Variants in ASAH2 observed in about 807,000 individuals in gnomAD.
ASAH2 encodes the protein N-acylsphingosine amidohydrolase 2.
A neutral mutation model predicts 82.9 loss-of-function variants in ASAH2; 58 were observed. The observed-to-expected ratio is 0.70, with a 90% CI of 0.57 to 0.87. The LOEUF (loss-of-function observed/expected upper bound fraction) is 0.87, where lower values mean the gene tolerates loss of function less well. ASAH2 is among the 40% of genes least tolerant of loss of function. ASAH2 has a pLI of 0.00. For synonymous variants in ASAH2, 276 were observed against 289.7 expected (o/e 0.95, Z 0.48); for missense variants, 779 against 834.0 (o/e 0.93, Z 0.81).
Position 50,211,033 on chromosome 10 carries a change from A to G in ASAH2, c.1329T>C (p.His443=), listed in dbSNP as rs1845441870. ...AGTGTGTCTCAGCAGCACTTACTGCATGTGTGGAATTGAGCCAGACAGTCA... is the reference window on the plus strand; with the variant it reads ...AGTGTGTCTCAGCAGCACTTACTGCGTGTGTGGAATTGAGCCAGACAGTCA... ...TDVTVWLNST[H]ASKTCKPALG... The change falls in exon 11 of 21, where the codon CAT becomes CAC. Residue 443 remains histidine, a synonymous_variant. Coordinates refer to ENST00000682911, the MANE Select transcript of ASAH2 (RefSeq NM_019893.4). 1.9e-6 allele frequency: 3 copies of G among 1,613,410 alleles called. No individual in the cohort carries two copies. Among genetic ancestry groups the G allele is most frequent in the Non-Finnish European group, 2.5e-6 (3 of 1,179,420 alleles).
intron 4 of ASAH2, among the ~76,000 whole-genome samples, chr10:50,239,777 T>C (rs1353369370): frequency 1.3e-5 from 2 of 151,740 alleles, no homozygotes; most frequent in African/African-American, 2.4e-5. Context: ...AGCATGAATA[T>C]TATGTTAAGT....
At position 50,210,866 on chromosome 10, in the gene ASAH2, T is replaced by C. The variant is rs992270; in HGVS notation, c.1371A>G (p.Ala457=). Residue 457 remains alanine (A), a synonymous_variant, in exon 12 of 21, where the codon GCA becomes GCG. Transcript: ENST00000682911. ...TCKPALGYSF[A]AGTIDGVGGL... ...CTCCAACTCCATCAATAGTGCCAGC[T>C]GCAAAACTGTAGCCCAATGCTGGTT... The C allele has an allele frequency of 0.85, 1,370,915 of 1,613,048 alleles. 590,851 individuals carry two copies. The highest frequency in any genetic ancestry group is 0.89 in the Non-Finnish European group (1,048,527 of 1,179,290).
chr10:50,239,472 T>C (rs1846238231), intron 4 of ASAH2, among the ~76,000 whole-genome samples: 2 of 152,194 alleles, frequency 1.3e-5, no homozygotes, highest in South Asian at 4.1e-4. Context: ...AGTCTACCTT[T>C]TGGTTCTTTT....
chr10:50,245,530 T>G, intron 2 of ASAH2, 76 bp from the exon 3 acceptor site: 2 of 1,283,006 alleles, frequency 1.6e-6, no homozygotes, highest in Non-Finnish European at 2.2e-6. Flanking sequence ...ACACAATATA[T>G]AGGCTCAGGT....
intron 7 of ASAH2, among the ~76,000 whole-genome samples, chr10:50,232,635 A>G (rs1278095936): frequency 6.6e-6 from 1 of 152,108 alleles, no homozygotes; most frequent in Non-Finnish European, 1.5e-5. Context: ...ACTCCCAGAT[A>G]ATTGTGCTAA....
intron 4 of ASAH2, chr10:50,240,422 A>T: frequency 1.4e-6 from 1 of 701,608 alleles, no homozygotes. Context: ...GAATCTGCTA[A>T]TTTTTGTCCT....
intron 8 of ASAH2, 73 bp downstream of exon 8, chr10:50,218,437 C>T (rs1294183505): frequency 6.2e-7 from 1 of 1,601,354 alleles, no homozygotes; most frequent in Non-Finnish European, 8.6e-7. Flanking sequence ...ATTTGAATCA[C>T]CTCTTCTGAA....
At chr10:50,225,843 T>C (rs35168096) in intron 7 of ASAH2, among the ~76,000 whole-genome samples, 31,868 of 152,084 alleles carry the variant, frequency 0.21, 4,233 homozygotes, top group East Asian at 0.41. Context: ...GTAATCTCAA[T>C]ACTTTGGGAG....
chr10:50,246,568 A>G (rs1846464146), intron 2 of ASAH2, among the ~76,000 whole-genome samples: 1 of 152,196 alleles, frequency 6.6e-6, no homozygotes, highest in African/African-American at 2.4e-5. Context: ...CAGAGCTCAA[A>G]AAACTTAGAG....
At chr10:50,193,560 A>G (rs1844897769) in intron 18 of ASAH2, among the ~76,000 whole-genome samples, 1 of 151,612 alleles carries the variant, frequency 6.6e-6, no homozygotes, top group African/African-American at 2.4e-5. Context: ...GAGTTGTGAC[A>G]AGATTCTGTT....
In ASAH2 at chr10:50,187,116, TCTCACACACACACACACACA is replaced by T. The variant is rs1844769486; in HGVS notation, c.*179_*198del. Reference sequence around the variant, plus strand: ...CTCTCTCTCTCTCTCTCTCTCTCTCTCTCACACACACACACACACACACACACACACACACACACACACAC... The same window carrying T: ...CTCTCTCTCTCTCTCTCTCTCTCTCTCACACACACACACACACACACACAC... On this transcript the variant is annotated 3_prime_UTR_variant, in exon 21 of 21. Coordinates refer to ENST00000682911, the MANE Select transcript of ASAH2 (RefSeq NM_019893.4). The T allele has an allele frequency of 8.7e-6, 2 of 230,048 alleles. No homozygotes were observed. Among genetic ancestry groups the T allele is most frequent in the African/African-American group, 3.8e-5 (1 of 26,064 alleles). 14.3% of individuals were successfully genotyped at this position (230,048 alleles called of 1,614,324 possible). A position where few individuals can be genotyped will look rare whatever the true frequency, so the allele number is the denominator to read the frequency against.
chr10:50,242,353 G>A (rs1485866966), intron 4 of ASAH2, among the ~76,000 whole-genome samples: 3 of 152,106 alleles, frequency 2.0e-5, no homozygotes, highest in Non-Finnish European at 2.9e-5. Flanking sequence ...CCTCTCACTG[G>A]CCCCTTCACA....
chr10:50,217,182 T>C (rs1845623981), intron 8 of ASAH2, among the ~76,000 whole-genome samples: 1 of 152,158 alleles, frequency 6.6e-6, no homozygotes, highest in African/African-American at 2.4e-5. Context: ...TTGCTTCCTC[T>C]TTCACATGTG....
chr10:50,240,520 G>C, intron 4 of ASAH2: 1 of 702,108 alleles, frequency 1.4e-6, no homozygotes, highest in Non-Finnish European at 2.6e-6. Context: ...ACATCACTCC[G>C]CCACTCAGAA....
intron 7 of ASAH2, among the ~76,000 whole-genome samples, chr10:50,228,816 GGAGGAAGAAGAAAAGAA>G (rs1451377122): frequency 6.6e-6 from 1 of 151,968 alleles, no homozygotes; most frequent in Non-Finnish European, 1.5e-5. Flanking sequence ...GGAGCAAGGA[GGAGGAAGAAGAAAAGAA>G]GAGGAAGGAG....
chr10:50,218,125 AAAAAT>A (rs1475128620), intron 8 of ASAH2, among the ~76,000 whole-genome samples: 2 of 20,842 alleles, frequency 9.6e-5, no homozygotes, highest in Non-Finnish European at 6.3e-3. Flanking sequence ...CTCTGTCTCA[AAAAAT>A]AAAATAAAAA....
intron 18 of ASAH2, among the ~76,000 whole-genome samples, chr10:50,196,261 G>T (rs1844979692): frequency 6.6e-6 from 1 of 151,926 alleles, no homozygotes; most frequent in South Asian, 2.1e-4. Context: ...AAATAATTAG[G>T]TGCATTTAGA....
chr10:50,202,842 T>C lies in ASAH2; in HGVS notation c.1748A>G (p.Tyr583Cys). 1.2e-6 allele frequency: 2 copies of C among 1,607,900 alleles called. No homozygotes were observed. The highest frequency in any genetic ancestry group is 1.7e-6 in the Non-Finnish European group (2 of 1,174,764). The change falls in exon 16 of 21, where the codon TAT becomes TGT. Residue 583 changes from tyrosine (Y) to cysteine (C), a missense_variant. Physicochemically the swap from Tyr to Cys is radical, Grantham distance 194. Coordinates refer to ENST00000682911, the MANE Select transcript of ASAH2 (RefSeq NM_019893.4). ...GTTTTGCTTTACCTGGTATTCTTCA[T>C]AAGTGGTAATGTAATGTGTATAGAC... ...CNVYTHYITT[Y>C]EEYQAQRYEA...
intron 19 of ASAH2, 71 bp from the exon 20 acceptor site, chr10:50,189,658 CT>C (rs1229123335): frequency 9.4e-6 from 1 of 106,858 alleles, no homozygotes; most frequent in Non-Finnish European, 1.4e-5. Context: ...AAATACTCCC[CT>C]TGTTGACCAT....
Sources: allele counts gnomAD v4.1 joint callset (sites outside exome capture counted in the v4.1 genomes callset), GRCh38; gene constraint gnomAD v4.1.1; transcripts MANE v1.5; gene names NCBI Gene and HGNC (gene_info 2026-07-23, HGNC 2026-07-21).